The following FAT3 variants were observed in gnomAD, a reference collection of about 807,000 sequenced individuals.
FAT3 encodes the protein protocadherin Fat 3.
Under a neutral mutation model 310.2 loss-of-function variants are expected in FAT3, and 95 were observed. The ratio of observed to expected loss-of-function variants is 0.31; its 90% CI spans 0.26 to 0.36. The LOEUF (loss-of-function observed/expected upper bound fraction) is 0.36, where lower values mean the gene tolerates loss of function less well. FAT3 is among the 10% of genes least tolerant of loss of function. The pLI is 1.00. For missense variants in FAT3, 5,408 were observed against 5,715.6 expected, an observed-to-expected ratio of 0.95 and a Z score of 1.74; for synonymous variants, 2,314 against 2,192.9, an observed-to-expected ratio of 1.06 and a Z score of -1.54.
intron 24 of FAT3, among the ~76,000 whole-genome samples, chr11:92,885,193 G>A (rs1024381413): frequency 3.9e-5 from 6 of 152,198 alleles, no homozygotes; most frequent in African/African-American, 1.4e-4. Context: ...GAACCAAGAG[G>A]TTTGATGAGA....
intron 4 of FAT3, among the ~76,000 whole-genome samples, chr11:92,733,141 G>T (rs1005273117): frequency 6.6e-6 from 1 of 152,182 alleles, no homozygotes; most frequent in Non-Finnish European, 1.5e-5. Flanking sequence ...TGAGGCACAA[G>T]GCTGGATGTC....
chr11:92,437,086 T>C (rs1455095287), intron 2 of FAT3, among the ~76,000 whole-genome samples: 1 of 152,216 alleles, frequency 6.6e-6, no homozygotes, highest in East Asian at 1.9e-4. Context: ...GATTTTTTAT[T>C]TCTGTCTCCA....
At chr11:92,521,724 C>CA (rs1365315027) in intron 2 of FAT3, among the ~76,000 whole-genome samples, 1 of 152,044 alleles carries the variant, frequency 6.6e-6, no homozygotes, top group Admixed American at 6.6e-5. Context: ...GAGCCTTGGG[C>CA]AAGTTACCAA....
At chr11:92,431,038 G>A (rs929373144) in intron 2 of FAT3, among the ~76,000 whole-genome samples, 1 of 152,148 alleles carries the variant, frequency 6.6e-6, no homozygotes, top group Non-Finnish European at 1.5e-5. Context: ...TAATGGGATT[G>A]CTGGGTCAAA....
At chr11:92,447,118 T>C (rs187716950) in intron 2 of FAT3, among the ~76,000 whole-genome samples, 1 of 151,954 alleles carries the variant, frequency 6.6e-6, no homozygotes, top group Admixed American at 6.5e-5. Context: ...TTAAATATCC[T>C]CTAAGTAACT....
chr11:92,802,734 C>A (rs998470799), intron 10 of FAT3, among the ~76,000 whole-genome samples: 5 of 152,092 alleles, frequency 3.3e-5, no homozygotes, highest in African/African-American at 1.2e-4. Flanking sequence ...AAACAAAGTG[C>A]CAAAAGATTG....
chr11:92,830,215 G>A (rs71473492), intron 13 of FAT3, among the ~76,000 whole-genome samples: 27 of 152,234 alleles, frequency 1.8e-4, no homozygotes, highest in African/African-American at 6.3e-4. Context: ...GTGAACATGA[G>A]GTTTCTAAAC....
intron 3 of FAT3, among the ~76,000 whole-genome samples, chr11:92,627,625 G>A (rs1430363228): frequency 6.6e-6 from 1 of 152,140 alleles, no homozygotes; most frequent in East Asian, 1.9e-4. Context: ...CTGAGGAGAA[G>A]CTGTGGTTTG....
chr11:92,583,558 C>G (rs1185031116), intron 3 of FAT3, among the ~76,000 whole-genome samples: 2 of 151,232 alleles, frequency 1.3e-5, no homozygotes, highest in Non-Finnish European at 2.9e-5. Flanking sequence ...TCCTTGTCCC[C>G]CATTCTGAGC....
chr11:92,229,349 C>G (rs1455326783), intron 1 of FAT3, among the ~76,000 whole-genome samples: 2 of 99,976 alleles, frequency 2.0e-5, no homozygotes, highest in African/African-American at 7.0e-5. Flanking sequence ...TGGGAAGACT[C>G]AGAGAGTAAA....
chr11:92,439,400 GA>G (rs1951018811), intron 2 of FAT3, among the ~76,000 whole-genome samples: 1 of 152,058 alleles, frequency 6.6e-6, no homozygotes, highest in African/African-American at 2.4e-5. Flanking sequence ...AATTCCTAAG[GA>G]AGCATCCTTC....
intron 13 of FAT3, among the ~76,000 whole-genome samples, chr11:92,829,617 C>T (rs994905399): frequency 6.6e-6 from 1 of 152,136 alleles, no homozygotes; most frequent in South Asian, 2.1e-4. Context: ...GCAGCCACTC[C>T]AACAATAGCC....
intron 1 of FAT3, chr11:92,314,377 C>T (rs1947382054): frequency 1.4e-6 from 1 of 722,700 alleles, no homozygotes; most frequent in Non-Finnish European, 1.7e-6. Flanking sequence ...TATGAAGCCC[C>T]TCATTGCATG....
intron 22 of FAT3, among the ~76,000 whole-genome samples, chr11:92,871,617 A>G (rs1406836285): frequency 6.6e-6 from 1 of 152,116 alleles, no homozygotes; most frequent in East Asian, 1.9e-4. Context: ...TTTGATTGCT[A>G]TTTACTTGCC....
chr11:92,719,499 A>ATCC (rs146042813), intron 4 of FAT3, among the ~76,000 whole-genome samples: 51,048 of 148,686 alleles, frequency 0.34, 8,907 homozygotes, highest in African/African-American at 0.4. Flanking sequence ...TGAACTATGA[A>ATCC]ACCTGTATTC....
At chr11:92,411,253 G>A (rs1950262331) in intron 2 of FAT3, among the ~76,000 whole-genome samples, 1 of 150,300 alleles carries the variant, frequency 6.7e-6, no homozygotes, top group Non-Finnish European at 1.5e-5. Context: ...AAAGTTAAAG[G>A]TAATGTTTTT....
intron 19 of FAT3, among the ~76,000 whole-genome samples, chr11:92,849,810 T>TG (rs1443614548): frequency 5.9e-5 from 9 of 152,154 alleles, no homozygotes; most frequent in African/African-American, 2.2e-4. Flanking sequence ...AGGCCCTGGG[T>TG]GGGGTGCTGG....
chr11:92,553,516 T>C (rs1209077447), intron 3 of FAT3, among the ~76,000 whole-genome samples: 2 of 152,206 alleles, frequency 1.3e-5, no homozygotes, highest in Admixed American at 6.5e-5. Flanking sequence ...TGTTCAACTT[T>C]AGAATGTGAG....
intron 3 of FAT3, among the ~76,000 whole-genome samples, chr11:92,651,899 G>A (rs1408077374): frequency 6.6e-6 from 1 of 152,160 alleles, no homozygotes; most frequent in Non-Finnish European, 1.5e-5. Context: ...TAAGCATCTA[G>A]GGGATGCTTT....
Sources: allele counts gnomAD v4.1 joint callset (sites outside exome capture counted in the v4.1 genomes callset), GRCh38; gene constraint gnomAD v4.1.1; transcripts MANE v1.5; gene names NCBI Gene and HGNC (gene_info 2026-07-23, HGNC 2026-07-21).